ASB18: variants seen among roughly 807,000 people sequenced by gnomAD.
The protein encoded by ASB18 is ankyrin repeat and SOCS box protein 18.
Under a neutral mutation model 33.4 loss-of-function variants are expected in ASB18, and 33 were observed. That is an observed-to-expected ratio of 0.99 (90% CI 0.75 to 1.32). The LOEUF (loss-of-function observed/expected upper bound fraction) is 1.32. Among genes scored for constraint, ASB18 ranks in the 40% most tolerant of loss-of-function variants. The probability of loss-of-function intolerance (pLI) is 0.00; values close to 1 mark genes in which losing one functional copy is unlikely to be tolerated. For synonymous variants in ASB18, 295 were observed against 307.6 expected, an observed-to-expected ratio of 0.96 and a Z score of 0.43; for missense variants, 694 against 655.5, an observed-to-expected ratio of 1.06 and a Z score of -0.64.
rs989620094 is a variant in ASB18, at chr2:236,225,328, G to T, written c.597-10462C>A. 1.3e-5 allele frequency among the ~76,000 whole-genome samples: 2 copies of T among 152,076 alleles called. No homozygotes were observed. Among genetic ancestry groups the T allele is most frequent in the African/African-American group, 4.8e-5 (2 of 41,410 alleles). ...GGGTCTCACTATGTTGCCCAGGCTGGTCTCAAACTCCTGGGCTCAAGCGAT... is the reference window on the plus strand; with the variant it reads ...GGGTCTCACTATGTTGCCCAGGCTGTTCTCAAACTCCTGGGCTCAAGCGAT... On this transcript the variant is annotated intron_variant, in intron 3 of 5. Transcript: ENST00000409749. The surrounding 1 kb of genome is among the most constrained non-coding windows in gnomAD (Gnocchi z 5.1).
At chr2:236,254,396 C>A (rs2060682686) in intron 1 of ASB18, among the ~76,000 whole-genome samples, 1 of 151,968 alleles carries the variant, frequency 6.6e-6, no homozygotes, top group African/African-American at 2.4e-5. Context: ...ATTGAGCACC[C>A]AGGCATGCGA....
In ASB18 at chr2:236,209,476, T is replaced by C. The variant is rs2060449125; in HGVS notation, c.1101+4886A>G. 6.6e-6 allele frequency among the ~76,000 whole-genome samples: 1 copy of C among 152,106 alleles called. No homozygotes were observed. The highest frequency in any genetic ancestry group is 6.6e-5 in the Admixed American group (1 of 15,260). ...GTGGAGATGGTGTCTCACTATGTTG[T>C]CTAGGCCAGTCTCAAACTGCTGGGC... is the stretch of plus-strand genomic sequence containing the variant. On this transcript the variant is annotated intron_variant, in intron 4 of 5. Transcript: ENST00000409749. The surrounding 1 kb of genome is among the most constrained non-coding windows in gnomAD (Gnocchi z 4.4).
At position 236,223,566 on chromosome 2, in the gene ASB18, G is replaced by A. The variant is rs538411521; in HGVS notation, c.597-8700C>T. Among the ~76,000 whole-genome samples the A allele has an allele frequency of 1.5e-4, 23 of 152,286 alleles. No individual in the cohort carries two copies. Among genetic ancestry groups the A allele is most frequent in the Non-Finnish European group, 8.8e-5 (6 of 68,022 alleles). On this transcript the variant is annotated intron_variant, in intron 3 of 5. Transcript: ENST00000409749. The surrounding 1 kb of genome is among the most constrained non-coding windows in gnomAD (Gnocchi z 4.6). ...ACAATAACTTCTGTGAGGTACACAC[G>A]CAGAAATGCACAGGTCTTAAGAGCA...
chr2:236,223,267 A>G lies in ASB18; in HGVS notation c.597-8401T>C, dbSNP rs371803569. On this transcript the variant is annotated intron_variant, in intron 3 of 5. Coordinates refer to ENST00000409749, the MANE Select transcript of ASB18 (RefSeq NM_212556.4). This position sits in a 1 kb window ranked among gnomAD's most constrained non-coding sequence, Gnocchi z 4.6. ...ATGGCCTAATACACTTCACATGCCC[A>G]CTAAGCAGCATTTGACTTTCTAGAA... is the stretch of plus-strand genomic sequence containing the variant. 3.0e-4 allele frequency among the ~76,000 whole-genome samples: 45 copies of G among 152,318 alleles called. 1 individual carries two copies. In the East Asian group the frequency reaches 6.4e-3, roughly 22 times the overall value.
In ASB18 at chr2:236,257,805, G is replaced by C. The variant is rs1484554070; in HGVS notation, c.205+6336C>G. On this transcript the variant is annotated intron_variant, in intron 1 of 5. Coordinates refer to ENST00000409749, the MANE Select transcript of ASB18 (RefSeq NM_212556.4). The surrounding 1 kb of genome is among the most constrained non-coding windows in gnomAD (Gnocchi z 5.5). ...TGGGATGAACTACAGGTGCCGTGGA[G>C]CACGGGAAAGGGCACTGGGTTTACA... 1.3e-5 allele frequency among the ~76,000 whole-genome samples: 2 copies of C among 152,204 alleles called. No individual in the cohort carries two copies. The highest frequency in any genetic ancestry group is 1.3e-4 in the Admixed American group (2 of 15,286).
Position 236,241,505 on chromosome 2 carries a change from C to G in ASB18, c.206-103G>C, listed in dbSNP as rs1477083156. Reference sequence around the variant, plus strand: ...ATTTGAAGTTTTCCTCTCACTGGCCCTGGCTGTCTCTCCATTGAGATGCCG... The same window carrying G: ...ATTTGAAGTTTTCCTCTCACTGGCCGTGGCTGTCTCTCCATTGAGATGCCG... On this transcript the variant is annotated intron_variant, in intron 1 of 5. Coordinates refer to ENST00000409749, the MANE Select transcript of ASB18 (RefSeq NM_212556.4). The surrounding 1 kb of genome is among the most constrained non-coding windows in gnomAD (Gnocchi z 4.2). 1 of 1,382,744 alleles carries G rather than the reference C, an allele frequency of 7.2e-7. No homozygotes were observed. The highest frequency in any genetic ancestry group is 1.0e-6 in the Non-Finnish European group (1 of 989,246). 85.7% of individuals were successfully genotyped at this position (1,382,744 alleles called of 1,614,324 possible). A position where few individuals can be genotyped will look rare whatever the true frequency, so the allele number is the denominator to read the frequency against.
rs186967544 is a variant in ASB18 at position 236,252,854 on chromosome 2, C to T, written c.205+11287G>A. The stretch of plus-strand genomic sequence containing the variant: ...AGGGAGGACTTGTCACCCCAGCTGT[C>T]AGCTCCTCCATGGTTTGCCTCAGCT... On this transcript the variant is annotated intron_variant, in intron 1 of 5. Coordinates refer to ENST00000409749, the MANE Select transcript of ASB18 (RefSeq NM_212556.4). This position sits in a 1 kb window ranked among gnomAD's most constrained non-coding sequence, Gnocchi z 7.9. 6.6e-5 allele frequency among the ~76,000 whole-genome samples: 10 copies of T among 152,340 alleles called. No homozygotes were observed. In the East Asian group the frequency reaches 1.7e-3, roughly 27 times the overall value.
chr2:236,247,353 T>A (rs60569864), intron 1 of ASB18: 25,282 of 152,022 alleles, frequency 0.17, 2,596 homozygotes, highest in African/African-American at 0.28. Flanking sequence ...ATCTTTATTA[T>A]GTTTTAGGGT....
At position 236,237,732 on chromosome 2, in the gene ASB18, C is replaced by T; in HGVS notation, c.553G>A (p.Gly185Ser). 6.8e-7 allele frequency: 1 copy of T among 1,461,244 alleles called. No homozygotes were observed. The highest frequency in any genetic ancestry group is 9.0e-7 in the Non-Finnish European group (1 of 1,112,452). The allele number at this position is 1,461,244 out of a possible 1,614,324, so 90.5% of individuals were successfully genotyped here. ...CGGCAGAGGTGCAGAGGCGCCAGGC[C>T]CTCGGCGCTGAGCAGGTCGGGGTCG... ...RADPDLLSAE[G>S]LAPLHLCRTA... The change falls in exon 3 of 6, where the codon GGC becomes AGC. Residue 185 changes from glycine (G) to serine (S), a missense_variant. Gly to Ser is a moderately conservative substitution (Grantham distance 56). Coordinates refer to ENST00000409749, the MANE Select transcript of ASB18 (RefSeq NM_212556.4). This position sits in a 1 kb window ranked among gnomAD's most constrained non-coding sequence, Gnocchi z 6.2.
rs1431002770 is a variant in ASB18 at position 236,237,266 on chromosome 2, G to C, written c.596+423C>G. Among the ~76,000 whole-genome samples, 1 of 151,202 alleles carries C rather than the reference G, an allele frequency of 6.6e-6. No homozygotes were observed. The highest frequency in any genetic ancestry group is 1.5e-5 in the Non-Finnish European group (1 of 67,420). Reference sequence around the variant, plus strand: ...TCCCCGGCGCCGGCGGCTGGGCTGTGATCACCGCGCTCATTACCTCGGCGT... The same window carrying C: ...TCCCCGGCGCCGGCGGCTGGGCTGTCATCACCGCGCTCATTACCTCGGCGT... On this transcript the variant is annotated intron_variant, in intron 3 of 5. Coordinates refer to ENST00000409749, the MANE Select transcript of ASB18 (RefSeq NM_212556.4). This position sits in a 1 kb window ranked among gnomAD's most constrained non-coding sequence, Gnocchi z 6.2.
rs2060501919 is a variant in ASB18, at chr2:236,219,615, C to T, written c.597-4749G>A. ...TCATTTCAATCCCTCCTATCAACGT[C>T]ACCAGTGGAAGAAATGGCCCAGTGG... On this transcript the variant is annotated intron_variant, in intron 3 of 5. Coordinates refer to ENST00000409749, the MANE Select transcript of ASB18 (RefSeq NM_212556.4). The surrounding 1 kb of genome is among the most constrained non-coding windows in gnomAD (Gnocchi z 6.4). Among the ~76,000 whole-genome samples the T allele has an allele frequency of 1.3e-5, 2 of 152,192 alleles. No individual in the cohort carries two copies. Among genetic ancestry groups the T allele is most frequent in the Non-Finnish European group, 2.9e-5 (2 of 68,026 alleles).
At chr2:236,261,530 C>T (rs573290168) in intron 1 of ASB18, among the ~76,000 whole-genome samples, 152 of 152,274 alleles carry the variant, frequency 1.0e-3, no homozygotes, top group African/African-American at 3.6e-3. Flanking sequence ...TAACGCGTGC[C>T]CTAGGATCAT....
chr2:236,249,546 AG>A lies in ASB18; in HGVS notation c.206-8145del, dbSNP rs2060660027. The A allele has an allele frequency of 6.6e-6, 1 of 152,048 alleles. No homozygotes were observed. The highest frequency in any genetic ancestry group is 1.5e-5 in the Non-Finnish European group (1 of 68,022). The allele number at this position is 152,048 out of a possible 1,614,324, so 9.4% of individuals were successfully genotyped here. On this transcript the variant is annotated intron_variant, in intron 1 of 5. Transcript: ENST00000409749. The surrounding 1 kb of genome is among the most constrained non-coding windows in gnomAD (Gnocchi z 4.6). ...CCCATGGGGTTTCAACGTCTATTCCAGGGTGTTGGTCAAGGAAATGCTTCTG... is the reference window on the plus strand; with the variant it reads ...CCCATGGGGTTTCAACGTCTATTCCAGGTGTTGGTCAAGGAAATGCTTCTG...
chr2:236,225,428 C>G lies in ASB18; in HGVS notation c.597-10562G>C, dbSNP rs1421094104. ...GTGCCCACATGATTTATTTTTCATT[C>G]AGTTGAATTAACACACCTGGGACAA... is the stretch of plus-strand genomic sequence containing the variant. On this transcript the variant is annotated intron_variant, in intron 3 of 5. Coordinates refer to ENST00000409749, the MANE Select transcript of ASB18 (RefSeq NM_212556.4). This position sits in a 1 kb window ranked among gnomAD's most constrained non-coding sequence, Gnocchi z 5.1. 6.6e-6 allele frequency among the ~76,000 whole-genome samples: 1 copy of G among 152,174 alleles called. No homozygotes were observed. The highest frequency in any genetic ancestry group is 1.5e-5 in the Non-Finnish European group (1 of 68,036).
At position 236,244,186 on chromosome 2, in the gene ASB18, C is replaced by A. The variant is rs2060634066; in HGVS notation, c.206-2784G>T. On this transcript the variant is annotated intron_variant, in intron 1 of 5. Coordinates refer to ENST00000409749, the MANE Select transcript of ASB18 (RefSeq NM_212556.4). This position sits in a 1 kb window ranked among gnomAD's most constrained non-coding sequence, Gnocchi z 6.1. ...TCCCCACCAGGAAGTTGGAATGGGC[C>A]AATGATGGTGAGCTACAGAATTCTT... Among the ~76,000 whole-genome samples the A allele has an allele frequency of 6.6e-6, 1 of 152,156 alleles. No homozygotes were observed. Among genetic ancestry groups the A allele is most frequent in the Non-Finnish European group, 1.5e-5 (1 of 68,034 alleles).
In ASB18 at chr2:236,263,403, T is replaced by C. The variant is rs1030922579; in HGVS notation, c.205+738A>G. Among the ~76,000 whole-genome samples, 1 of 152,192 alleles carries C rather than the reference T, an allele frequency of 6.6e-6. No individual in the cohort carries two copies. Among genetic ancestry groups the C allele is most frequent in the Non-Finnish European group, 1.5e-5 (1 of 68,040 alleles). On this transcript the variant is annotated intron_variant, in intron 1 of 5. Coordinates refer to ENST00000409749, the MANE Select transcript of ASB18 (RefSeq NM_212556.4). The surrounding 1 kb of genome is among the most constrained non-coding windows in gnomAD (Gnocchi z 4.0). ...GCGACAGGCAGTGAAGAATTACCAGTGTGTGCTTATCAAATGGCAATTTAA... is the reference window on the plus strand; with the variant it reads ...GCGACAGGCAGTGAAGAATTACCAGCGTGTGCTTATCAAATGGCAATTTAA...
chr2:236,212,608 T>C (rs1485625904), intron 4 of ASB18, among the ~76,000 whole-genome samples: 1 of 152,210 alleles, frequency 6.6e-6, no homozygotes, highest in East Asian at 1.9e-4. Flanking sequence ...TGGCCCATCC[T>C]GTAACTTTGT....
At position 236,231,635 on chromosome 2, in the gene ASB18, G is replaced by A. The variant is rs1353452939; in HGVS notation, c.596+6054C>T. Among the ~76,000 whole-genome samples, 3 of 152,230 alleles carry A rather than the reference G, an allele frequency of 2.0e-5. No individual in the cohort carries two copies. The highest frequency in any genetic ancestry group is 6.8e-3 in the Middle Eastern group (2 of 294). On this transcript the variant is annotated intron_variant, in intron 3 of 5. Transcript: ENST00000409749. This position sits in a 1 kb window ranked among gnomAD's most constrained non-coding sequence, Gnocchi z 5.5. ...TCATCACCCCTGGCTAAGCGTTCTC[G>A]CTATGTTGCTCAGGCTGGTCTCAAA...
At position 236,235,659 on chromosome 2, in the gene ASB18, G is replaced by A. The variant is rs1341762250; in HGVS notation, c.596+2030C>T. Reference sequence around the variant, plus strand: ...TGGAACATGCAGACATCGCTGGTGCGGATGTAAAATGGTACAACTTTCAAA... The same window carrying A: ...TGGAACATGCAGACATCGCTGGTGCAGATGTAAAATGGTACAACTTTCAAA... On this transcript the variant is annotated intron_variant, in intron 3 of 5. Coordinates refer to ENST00000409749, the MANE Select transcript of ASB18 (RefSeq NM_212556.4). This position sits in a 1 kb window ranked among gnomAD's most constrained non-coding sequence, Gnocchi z 6.2. 2.6e-5 allele frequency among the ~76,000 whole-genome samples: 4 copies of A among 152,158 alleles called. No individual in the cohort carries two copies. The highest frequency in any genetic ancestry group is 2.1e-4 in the South Asian group (1 of 4,828).
Sources: allele counts gnomAD v4.1 joint callset (sites outside exome capture counted in the v4.1 genomes callset), GRCh38; gene constraint gnomAD v4.1.1; non-coding constraint Gnocchi (gnomAD v3.1); transcripts MANE v1.5; gene names NCBI Gene and HGNC (gene_info 2026-07-23, HGNC 2026-07-21).